The following ADTRP variants were observed in gnomAD, a reference collection of about 807,000 sequenced individuals.
ADTRP encodes the protein androgen dependent TFPI regulating protein.
In ADTRP, 20 loss-of-function variants were observed where a neutral mutation model predicts 27.0. That is an observed-to-expected ratio of 0.74 (90% confidence interval 0.52 to 1.08). The LOEUF is 1.08. Among genes scored for constraint, ADTRP ranks in the 50% least tolerant of loss-of-function variants. ADTRP has a pLI of 0.00. For synonymous variants in ADTRP, 101 were observed against 105.2 expected, an observed-to-expected ratio of 0.96 and a Z score of 0.25; for missense variants, 251 against 275.0, an observed-to-expected ratio of 0.91 and a Z score of 0.62.
intron 3 of ADTRP, among the ~76,000 whole-genome samples, chr6:11,739,747 A>G (rs1306937728): frequency 6.6e-6 from 1 of 152,212 alleles, no homozygotes; most frequent in Non-Finnish European, 1.5e-5. Context: ...GGCTAAACTT[A>G]CAGTAGGATG....
chr6:11,776,820 G>A (rs893435005), intron 1 of ADTRP, among the ~76,000 whole-genome samples: 18 of 152,298 alleles, frequency 1.2e-4, no homozygotes, highest in African/African-American at 4.3e-4. Context: ...CTCTTGAATC[G>A]GGAGTTTGAC....
chr6:11,739,738 G>A (rs186496687), intron 3 of ADTRP, among the ~76,000 whole-genome samples: 1 of 152,256 alleles, frequency 6.6e-6, no homozygotes, highest in East Asian at 1.9e-4. Context: ...TGCATATGAG[G>A]CTAAACTTAC....
At chr6:11,731,654 A>C (rs13215825) in intron 4 of ADTRP, among the ~76,000 whole-genome samples, 10,439 of 151,534 alleles carry the variant, frequency 0.069, 427 homozygotes, top group Middle Eastern at 0.13. Flanking sequence ...TCTAGCTCCA[A>C]TCCTGCCGGT....
chr6:11,736,741 T>C (rs1237166731), intron 3 of ADTRP: 1 of 152,310 alleles, frequency 6.6e-6, no homozygotes, highest in Non-Finnish European at 1.5e-5. Flanking sequence ...CTCGACTGCA[T>C]TTATATCCTG....
intron 1 of ADTRP, among the ~76,000 whole-genome samples, chr6:11,775,812 C>T (rs1488513476): frequency 6.6e-6 from 1 of 152,084 alleles, no homozygotes; most frequent in East Asian, 1.9e-4. Flanking sequence ...GGGCTTTGCT[C>T]TTACAAAGGG....
intron 5 of ADTRP, among the ~76,000 whole-genome samples, chr6:11,718,446 GA>G (rs34764550): frequency 0.46 from 70,614 of 151,938 alleles, 18,016 homozygotes; most frequent in Non-Finnish European, 0.59. Flanking sequence ...AATCATCAAA[GA>G]AAAAAAAGAA....
chr6:11,719,075 A>G (rs1761924762), intron 5 of ADTRP, among the ~76,000 whole-genome samples: 1 of 152,192 alleles, frequency 6.6e-6, no homozygotes, highest in African/African-American at 2.4e-5. Context: ...AGCTATTGTG[A>G]CCATCACCAC....
chr6:11,764,126 C>T (rs968209239), intron 3 of ADTRP, among the ~76,000 whole-genome samples: 2 of 152,226 alleles, frequency 1.3e-5, no homozygotes, highest in Non-Finnish European at 2.9e-5. Flanking sequence ...CACAGCACCC[C>T]TCAGCTTGTG....
intron 1 of ADTRP, among the ~76,000 whole-genome samples, chr6:11,775,405 G>A (rs1056608320): frequency 6.6e-6 from 1 of 151,976 alleles, no homozygotes; most frequent in South Asian, 2.1e-4. Context: ...TTTGACAGAC[G>A]TGGAAATGAA....
intron 4 of ADTRP, among the ~76,000 whole-genome samples, chr6:11,734,753 C>CTTCA (rs1762493798): frequency 1.3e-5 from 2 of 152,188 alleles, no homozygotes; most frequent in African/African-American, 4.8e-5. Context: ...GAGCACTGAA[C>CTTCA]TGAACTAAAC....
At chr6:11,731,797 C>T (rs938490566) in intron 4 of ADTRP, among the ~76,000 whole-genome samples, 1 of 152,038 alleles carries the variant, frequency 6.6e-6, no homozygotes, top group African/African-American at 2.4e-5. Context: ...ATCTTCTGCA[C>T]TTATAATTTG....
At chr6:11,743,074 C>T (rs1762766519) in intron 3 of ADTRP, among the ~76,000 whole-genome samples, 1 of 152,202 alleles carries the variant, frequency 6.6e-6, no homozygotes, top group Admixed American at 6.5e-5. Flanking sequence ...AAGGCTGTGG[C>T]CCGTCCTGCC....
chr6:11,762,438 C>T (rs1170849053), intron 3 of ADTRP, among the ~76,000 whole-genome samples: 3 of 152,234 alleles, frequency 2.0e-5, no homozygotes, highest in Non-Finnish European at 4.4e-5. Context: ...GTGTCACACG[C>T]ATAGTGGTAC....
intron 4 of ADTRP, 104 bp downstream of exon 4, chr6:11,735,464 T>C (rs1210035913): frequency 1.3e-6 from 1 of 782,296 alleles, no homozygotes; most frequent in Non-Finnish European, 2.1e-6. Flanking sequence ...AAATCCTTAT[T>C]AAACCAAGAT....
At position 11,714,212 on chromosome 6, in the gene ADTRP, C is replaced by T; in HGVS notation, c.*266G>A. 1 of 436,184 alleles carries T rather than the reference C, an allele frequency of 2.3e-6. No individual in the cohort carries two copies. The highest frequency in any genetic ancestry group is 4.1e-6 in the Non-Finnish European group (1 of 243,304). The allele number at this position is 436,184 out of a possible 1,614,324, so 27.0% of individuals were successfully genotyped here. ...TGAGTTTCTTTGGCCAGATTTTAAC[C>T]AGAGACCATCCTCCACGAAGGTCAA... On this transcript the variant is annotated 3_prime_UTR_variant, in exon 6 of 6. Coordinates refer to ENST00000414691, the MANE Select transcript of ADTRP (RefSeq NM_032744.4).
In ADTRP at chr6:11,758,578, G is replaced by GGGA. The variant is rs545481586; in HGVS notation, c.390+7695_390+7696insTCC. On this transcript the variant is annotated intron_variant, in intron 3 of 5. Transcript: ENST00000414691. ...CACACCGGGGACTGTTGTGGGGTGG[G>GGGA]GGGGGGGGACGGATAGCATTAGGAG... 1.7e-5 allele frequency among the ~76,000 whole-genome samples: 2 copies of GGGA among 119,842 alleles called. 1 individual carries two copies. The highest frequency in any genetic ancestry group is 6.4e-5 in the African/African-American group (2 of 31,178). The allele number at this position is 119,842 out of a possible 152,430, so 78.6% of individuals were successfully genotyped here.
At chr6:11,720,475 C>CTTTTTTTTTT (rs1554110970) in intron 5 of ADTRP, among the ~76,000 whole-genome samples, 1 of 148,802 alleles carries the variant, frequency 6.7e-6, no homozygotes, top group African/African-American at 2.5e-5. Flanking sequence ...GGGATATACC[C>CTTTTTTTTTT]TTTTCTTTTT....
rs1046253377 is a variant in ADTRP at position 11,723,434 on chromosome 6, C to G, written c.573G>C (p.Leu191Phe). The G allele has an allele frequency of 1.1e-5, 17 of 1,613,960 alleles. No homozygotes were observed. In the Admixed American group the frequency reaches 2.3e-4, roughly 22 times the overall value. Residue 191 changes from leucine to phenylalanine, a missense_variant, in exon 5 of 6, where the codon TTG (leucine) becomes TTC (phenylalanine). Physicochemically the swap from Leu to Phe is conservative, Grantham distance 22. Coordinates refer to ENST00000414691, the MANE Select transcript of ADTRP (RefSeq NM_032744.4). Reference sequence around the variant, plus strand: ...TGAGAGAGAAGAAAGCTGCTAGACCCAAGAGGCTGAGTTTGGCAAACACAG... The same window carrying G: ...TGAGAGAGAAGAAAGCTGCTAGACCGAAGAGGCTGAGTTTGGCAAACACAG... ...VYPVFAKLSLLGLAAFFSLSY... is the reference protein window; with the variant it reads ...VYPVFAKLSLFGLAAFFSLSY...
At chr6:11,744,440 C>G (rs1762806029) in intron 3 of ADTRP, among the ~76,000 whole-genome samples, 1 of 152,222 alleles carries the variant, frequency 6.6e-6, no homozygotes, top group Non-Finnish European at 1.5e-5. Flanking sequence ...GGTGCCCACT[C>G]TATAGTCACT....
Sources: allele counts gnomAD v4.1 joint callset (sites outside exome capture counted in the v4.1 genomes callset), GRCh38; gene constraint gnomAD v4.1.1; transcripts MANE v1.5; gene names NCBI Gene and HGNC (gene_info 2026-07-23, HGNC 2026-07-21).